The following NRXN1 variants were observed in gnomAD, a reference collection of about 807,000 sequenced individuals.
NRXN1 encodes neurexin-1.
Under a neutral mutation model 150.9 loss-of-function variants are expected in NRXN1, and 39 were observed. The observed-to-expected ratio is 0.26, with a 90% CI of 0.20 to 0.34. The LOEUF is 0.34. Ranked by LOEUF, NRXN1 falls within the 10% of genes least tolerant of loss-of-function variation. The probability of loss-of-function intolerance (pLI) is 1.00; values close to 1 mark genes in which losing one functional copy is unlikely to be tolerated. For synonymous variants in NRXN1, 924 were observed against 757.0 expected (o/e 1.22, Z -3.62); for missense variants, 1,815 against 1,949.9 (o/e 0.93, Z 1.30).
intron 21 of NRXN1, among the ~76,000 whole-genome samples, chr2:49,980,402 A>G (rs1412046939): frequency 1.3e-5 from 2 of 152,170 alleles, no homozygotes; most frequent in Non-Finnish European, 2.9e-5. Flanking sequence ...GAAAAGCCAT[A>G]TCAACAAGAT....
chr2:50,170,396 A>C (rs1335892118), intron 18 of NRXN1, among the ~76,000 whole-genome samples: 1 of 152,114 alleles, frequency 6.6e-6, no homozygotes, highest in African/African-American at 2.4e-5. Flanking sequence ...CCTGGATTCA[A>C]GCAATTCTCC....
chr2:49,970,521 C>G (rs1677764782), intron 21 of NRXN1: 1 of 151,948 alleles, frequency 6.6e-6, no homozygotes, highest in South Asian at 2.1e-4. Flanking sequence ...TTTCTGTATA[C>G]TGGAAATTGC....
chr2:50,895,373 C>A (rs1038295992), intron 5 of NRXN1, among the ~76,000 whole-genome samples: 1 of 151,730 alleles, frequency 6.6e-6, no homozygotes, highest in East Asian at 1.9e-4. Flanking sequence ...CCCCTTACAG[C>A]AAAAAAGGCA....
chr2:50,414,117 A>G (rs1431661087), intron 17 of NRXN1, among the ~76,000 whole-genome samples: 1 of 151,904 alleles, frequency 6.6e-6, no homozygotes, highest in African/African-American at 2.4e-5. Context: ...AAGAATGAAT[A>G]AGAACTACTG....
intron 2 of NRXN1, among the ~76,000 whole-genome samples, chr2:51,026,739 T>G: frequency 6.6e-6 from 1 of 152,206 alleles, no homozygotes; most frequent in East Asian, 1.9e-4. Context: ...TTATTTAATC[T>G]CTAACATTTT....
chr2:50,131,834 C>T (rs1462231269), intron 18 of NRXN1, among the ~76,000 whole-genome samples: 1 of 152,100 alleles, frequency 6.6e-6, no homozygotes, highest in Non-Finnish European at 1.5e-5. Flanking sequence ...CAAACAAAGG[C>T]CACCTAGGTA....
chr2:49,959,955 T>C (rs1675631509), intron 21 of NRXN1, among the ~76,000 whole-genome samples: 1 of 152,208 alleles, frequency 6.6e-6, no homozygotes, highest in Non-Finnish European at 1.5e-5. Flanking sequence ...GCATGAAGAA[T>C]GCAAATGTAT....
intron 8 of NRXN1, among the ~76,000 whole-genome samples, chr2:50,584,834 G>A (rs1022313772): frequency 5.3e-5 from 8 of 152,146 alleles, no homozygotes; most frequent in Admixed American, 6.6e-5. Context: ...CTATATGAAT[G>A]TGATGGAAAT....
chr2:50,608,449 T>TAAAC (rs1677488998), intron 8 of NRXN1, among the ~76,000 whole-genome samples: 1 of 152,152 alleles, frequency 6.6e-6, no homozygotes, highest in African/African-American at 2.4e-5. Flanking sequence ...CCACAGCTTG[T>TAAAC]TTAGTAAATC....
chr2:50,749,461 T>C (rs1700352161), intron 5 of NRXN1, among the ~76,000 whole-genome samples: 1 of 152,012 alleles, frequency 6.6e-6, no homozygotes, highest in Non-Finnish European at 1.5e-5. Flanking sequence ...TTCTGGACAA[T>C]TTCCCAGGAA....
At chr2:50,574,756 T>C (rs902517418) in intron 8 of NRXN1, among the ~76,000 whole-genome samples, 1 of 152,226 alleles carries the variant, frequency 6.6e-6, no homozygotes, top group Non-Finnish European at 1.5e-5. Context: ...TTCTGGACTT[T>C]TACTTAAGAA....
At chr2:50,724,567 G>C (rs932486924) in intron 5 of NRXN1, among the ~76,000 whole-genome samples, 23 of 152,146 alleles carry the variant, frequency 1.5e-4, no homozygotes, top group African/African-American at 4.6e-4. Context: ...ACTAGAAAAA[G>C]ATATTAATCA....
At chr2:50,115,449 T>C (rs1184790774) in intron 18 of NRXN1, among the ~76,000 whole-genome samples, 1 of 151,840 alleles carries the variant, frequency 6.6e-6, no homozygotes, top group Non-Finnish European at 1.5e-5. Context: ...ATATGTACTT[T>C]CTCATTTAAT....
rs190975443 is a variant in NRXN1 at position 50,921,322 on chromosome 2, T to C, written c.832+547A>G. The stretch of plus-strand genomic sequence containing the variant: ...GTTGATAATGCCCTTAAAACAAAGT[T>C]AGTATGCATAAAAAGAAATGTCTTG... On this transcript the variant is annotated intron_variant, in intron 5 of 22. Coordinates refer to ENST00000401669, the MANE Select transcript of NRXN1 (RefSeq NM_001330078.2). 4.6e-5 allele frequency among the ~76,000 whole-genome samples: 7 copies of C among 151,916 alleles called. No individual in the cohort carries two copies. In the East Asian group the frequency reaches 1.4e-3, roughly 30 times the overall value.
At chr2:50,650,390 T>G (rs1374517196) in intron 5 of NRXN1, among the ~76,000 whole-genome samples, 2 of 152,082 alleles carry the variant, frequency 1.3e-5, no homozygotes, top group South Asian at 2.1e-4. Context: ...TGACTCGCTT[T>G]CCGGTTTTAT....
At chr2:50,468,253 A>G (rs1289595480) in intron 16 of NRXN1, among the ~76,000 whole-genome samples, 1 of 151,690 alleles carries the variant, frequency 6.6e-6, no homozygotes, top group Admixed American at 6.6e-5. Flanking sequence ...TAGTAAAACT[A>G]CAATCTTAGA....
rs1050787776 is a variant in NRXN1 at position 50,347,836 on chromosome 2, C to G, written c.3365-110866G>C. Reference sequence around the variant, plus strand: ...CTCCAAACAGCAAATCACTGAAGCTCGGATGCAATGCAGAGGACGAGCCTA... The same window carrying G: ...CTCCAAACAGCAAATCACTGAAGCTGGGATGCAATGCAGAGGACGAGCCTA... On this transcript the variant is annotated intron_variant, in intron 17 of 22. Transcript: ENST00000401669. The surrounding 1 kb of genome is among the most constrained non-coding windows in gnomAD (Gnocchi z 4.9). The G allele has an allele frequency of 3.7e-5, 36 of 985,568 alleles. No individual in the cohort carries two copies. The highest frequency in any genetic ancestry group is 4.0e-5 in the Non-Finnish European group (33 of 830,030). The allele number at this position is 985,568 out of a possible 1,614,324, so 61.1% of individuals were successfully genotyped here. A position where few individuals can be genotyped will look rare whatever the true frequency, so the allele number is the denominator to read the frequency against.
At chr2:49,990,113 A>C (rs892909209) in intron 21 of NRXN1, among the ~76,000 whole-genome samples, 21 of 152,070 alleles carry the variant, frequency 1.4e-4, no homozygotes, top group African/African-American at 5.1e-4. Flanking sequence ...AAAAAAAAAA[A>C]AACTATCAAA....
intron 18 of NRXN1, among the ~76,000 whole-genome samples, chr2:50,149,486 C>T (rs1361920892): frequency 6.6e-6 from 1 of 151,678 alleles, no homozygotes; most frequent in Non-Finnish European, 1.5e-5. Context: ...ATCATATCCT[C>T]ATGACCTAGT....
Sources: allele counts gnomAD v4.1 joint callset (sites outside exome capture counted in the v4.1 genomes callset), GRCh38; gene constraint gnomAD v4.1.1; non-coding constraint Gnocchi (gnomAD v3.1); transcripts MANE v1.5; gene names NCBI Gene and HGNC (gene_info 2026-07-23, HGNC 2026-07-21).